Variants in CD2AP observed in about 807,000 individuals in gnomAD.
CD2AP encodes CD2 associated protein.
A neutral mutation model predicts 85.1 loss-of-function variants in CD2AP; 46 were observed. The observed-to-expected ratio is 0.54, with a 90% CI of 0.43 to 0.69. The LOEUF (loss-of-function observed/expected upper bound fraction) is 0.69, where lower values mean the gene tolerates loss of function less well. Among genes scored for constraint, CD2AP ranks in the 30% least tolerant of loss-of-function variants. CD2AP has a pLI of 0.00. For synonymous variants in CD2AP, 255 were observed against 252.9 expected, an observed-to-expected ratio of 1.01 and a Z score of -0.08; for missense variants, 769 against 729.5, an observed-to-expected ratio of 1.05 and a Z score of -0.62.
intron 2 of CD2AP, among the ~76,000 whole-genome samples, chr6:47,521,313 A>G (rs1180035369): frequency 6.6e-6 from 1 of 152,174 alleles, no homozygotes; most frequent in Non-Finnish European, 1.5e-5. Flanking sequence ...GCATTTTGGG[A>G]GGTCGAGGCG....
At chr6:47,544,785 A>G in intron 4 of CD2AP, 79 bp downstream of exon 4, 1 of 877,922 alleles carries the variant, frequency 1.1e-6, no homozygotes, top group South Asian at 1.4e-5. Flanking sequence ...TTGTAAGAAT[A>G]TTAGTCTTTT....
intron 5 of CD2AP, among the ~76,000 whole-genome samples, chr6:47,562,394 AG>A (rs1353012752): frequency 1.3e-5 from 2 of 152,208 alleles, no homozygotes; most frequent in Non-Finnish European, 2.9e-5. Flanking sequence ...AGTATATATC[AG>A]ATCTAATGAT....
In CD2AP at chr6:47,575,840, G is replaced by A. The variant is rs550538713; in HGVS notation, c.730-684G>A. Among the ~76,000 whole-genome samples the A allele has an allele frequency of 2.6e-5, 4 of 151,466 alleles. 1 individual carries two copies. The South Asian group carries it at 6.4e-4, about 24-fold the overall frequency. ...TTCAGATAGCAATGAAGTATAAAGA[G>A]TTTTTTTTTCTCCTCTTTCATTTTA... On this transcript the variant is annotated intron_variant, in intron 6 of 17. Transcript: ENST00000359314.
chr6:47,514,271 A>AT (rs1203705564), intron 2 of CD2AP, among the ~76,000 whole-genome samples: 3 of 152,116 alleles, frequency 2.0e-5, no homozygotes, highest in Non-Finnish European at 4.4e-5. Context: ...AGTCTACTTC[A>AT]TTGATCTTTT....
chr6:47,562,794 G>A (rs1446771348), intron 5 of CD2AP: 9 of 1,151,010 alleles, frequency 7.8e-6, no homozygotes, highest in South Asian at 2.4e-5. Context: ...ACTGTGATGA[G>A]CCTTTGTATG....
At chr6:47,566,011 C>T (rs1267925425) in intron 5 of CD2AP, among the ~76,000 whole-genome samples, 1 of 151,984 alleles carries the variant, frequency 6.6e-6, no homozygotes, top group Non-Finnish European at 1.5e-5. Flanking sequence ...CATTGGTCAC[C>T]TTAGGTTTCT....
intron 13 of CD2AP, among the ~76,000 whole-genome samples, chr6:47,604,745 A>G (rs529770434): frequency 6.6e-6 from 1 of 152,034 alleles, no homozygotes; most frequent in Admixed American, 6.6e-5. Flanking sequence ...CAGATTATAT[A>G]ATGCATTTTT....
At position 47,594,649 on chromosome 6, in the gene CD2AP, G is replaced by GT. The variant is rs1562048497; in HGVS notation, c.1109-1206dup. On this transcript the variant is annotated intron_variant, in intron 11 of 17. Coordinates refer to ENST00000359314, the MANE Select transcript of CD2AP (RefSeq NM_012120.3). The stretch of plus-strand genomic sequence containing the variant: ...TTATTGATTTCAATTGGAGAGTTTG[G>GT]TTTTTTACAAATTCCTGGTGGTATA... 2.0e-5 allele frequency among the ~76,000 whole-genome samples: 3 copies of GT among 151,784 alleles called. No homozygotes were observed. In the South Asian group the frequency reaches 6.2e-4, roughly 32 times the overall value.
rs539086760 is a variant in CD2AP at position 47,621,517 on chromosome 6, G to A, written c.1879-2669G>A. ...GTCTGTAGTTTTCGTTTTTGGTTAC[G>A]ATCTTTTCTGGTTTTGGTATCAGGG... On this transcript the variant is annotated intron_variant, in intron 17 of 17. Transcript: ENST00000359314. Among the ~76,000 whole-genome samples the A allele has an allele frequency of 4.0e-4, 61 of 152,216 alleles. No homozygotes were observed. The South Asian group carries it at 6.6e-3, about 17-fold the overall frequency.
At chr6:47,560,976 C>G (rs1767844540) in intron 5 of CD2AP, among the ~76,000 whole-genome samples, 1 of 152,112 alleles carries the variant, frequency 6.6e-6, no homozygotes, top group Non-Finnish European at 1.5e-5. Flanking sequence ...TTTTGTCTTT[C>G]TCCGGTTTAT....
chr6:47,609,358 T>G (rs1383778932), intron 16 of CD2AP, 54 bp downstream of exon 16: 4 of 1,404,776 alleles, frequency 2.8e-6, no homozygotes, highest in Non-Finnish European at 4.0e-6. Context: ...GCATAAAGAA[T>G]TTTTTTCAAA....
chr6:47,486,733 G>C (rs1266844950), intron 1 of CD2AP, among the ~76,000 whole-genome samples: 1 of 152,162 alleles, frequency 6.6e-6, no homozygotes, highest in Non-Finnish European at 1.5e-5. Flanking sequence ...ATAATGAAGA[G>C]TCTGGAAATT....
intron 4 of CD2AP, among the ~76,000 whole-genome samples, chr6:47,549,539 C>T (rs72871156): frequency 0.078 from 11,535 of 147,424 alleles, 453 homozygotes; most frequent in South Asian, 0.13. Context: ...AGAAAAACTA[C>T]AAAAACCTGC....
intron 3 of CD2AP, among the ~76,000 whole-genome samples, chr6:47,534,288 G>C (rs7754282): frequency 0.27 from 40,811 of 152,010 alleles, 5,634 homozygotes; most frequent in African/African-American, 0.33. Context: ...ACCTCAGAAA[G>C]ATCATTTAAA....
rs1582617802 is a variant in CD2AP at position 47,606,263 on chromosome 6, A to G, written c.1516A>G (p.Asn506Asp). The G allele has an allele frequency of 6.3e-7, 1 of 1,586,954 alleles. No individual in the cohort carries two copies. The highest frequency in any genetic ancestry group is 8.7e-7 in the Non-Finnish European group (1 of 1,155,544). Reference protein sequence around the residue: ...MPGRRLPGRFNGGHSPTHSPE... With the variant: ...MPGRRLPGRFDGGHSPTHSPE... ...TGGAAGAAGGTTGCCGGGCCGTTTC[A>G]ATGGTGGACATTCTGTGAGTTCATC... The change falls in exon 14 of 18, where the codon AAT (asparagine) becomes GAT (aspartate). Residue 506 changes from asparagine to aspartate, a missense_variant. Asn to Asp is a conservative substitution (Grantham distance 23). Coordinates refer to ENST00000359314, the MANE Select transcript of CD2AP (RefSeq NM_012120.3).
intron 17 of CD2AP, among the ~76,000 whole-genome samples, chr6:47,613,509 T>C (rs1769501458): frequency 1.3e-5 from 1 of 74,322 alleles, no homozygotes; most frequent in Non-Finnish European, 2.9e-5. Flanking sequence ...AAAATAATCC[T>C]TTTTTTTTTT....
At chr6:47,594,649 G>C (rs1246841535) in intron 11 of CD2AP, among the ~76,000 whole-genome samples, 1 of 151,666 alleles carries the variant, frequency 6.6e-6, no homozygotes, top group East Asian at 1.9e-4. Flanking sequence ...GGAGAGTTTG[G>C]TTTTTTACAA....
At chr6:47,550,987 A>T (rs1767503544) in intron 4 of CD2AP, among the ~76,000 whole-genome samples, 1 of 152,184 alleles carries the variant, frequency 6.6e-6, no homozygotes, top group Admixed American at 6.5e-5. Context: ...AGCTATGAGG[A>T]TGCAAAGGCA....
chr6:47,517,090 A>C, intron 2 of CD2AP, among the ~76,000 whole-genome samples: 1 of 152,146 alleles, frequency 6.6e-6, no homozygotes, highest in East Asian at 1.9e-4. Context: ...ATTCTCACCC[A>C]GTTCACTTGG....
Sources: gnomAD v4.1 joint callset for allele counts (sites outside exome capture counted in the v4.1 genomes callset) on GRCh38, gnomAD v4.1.1 for gene constraint, MANE v1.5 for transcripts, NCBI Gene and HGNC (gene_info 2026-07-23, HGNC 2026-07-21) for gene names.